The following RYR3 variants were observed in gnomAD, a reference collection of about 807,000 sequenced individuals.
RYR3 encodes the protein ryanodine receptor 3.
A neutral mutation model predicts 584.3 loss-of-function variants in RYR3; 207 were observed. That is an observed-to-expected ratio of 0.35 (90% CI 0.32 to 0.40). RYR3 has a LOEUF of 0.40. Among genes scored for constraint, RYR3 ranks in the 10% least tolerant of loss-of-function variants. The pLI, the probability that RYR3 is intolerant of heterozygous loss-of-function variation, is 1.00. For synonymous variants in RYR3, 2,416 were observed against 2,248.5 expected (o/e 1.07, Z -2.11); for missense variants, 5,616 against 6,089.2 (o/e 0.92, Z 2.59).
rs1213408100 is a variant in RYR3, at chr15:33,473,410, T to C, written c.52-9T>C. 1.2e-6 allele frequency: 2 copies of C among 1,601,810 alleles called. No homozygotes were observed. Among genetic ancestry groups the C allele is most frequent in the African/African-American group, 1.5e-5 (1 of 65,090 alleles). ...CTTACTCATGTTTGGGTCTCTCTTC[T>C]CCTGGCAGGAGGATGAAGTGGTACT... On this transcript the variant is annotated splice_polypyrimidine_tract_variant and intron_variant, in intron 1 of 103. Transcript: ENST00000634891.
chr15:33,618,176 A>C (rs1025265985), intron 19 of RYR3, among the ~76,000 whole-genome samples: 1 of 152,180 alleles, frequency 6.6e-6, no homozygotes, highest in African/African-American at 2.4e-5. Context: ...TTTTGCAGAA[A>C]ATTCATGAGT....
At chr15:33,738,295 G>T (rs116836930) in intron 49 of RYR3, among the ~76,000 whole-genome samples, 155 bp from the exon 50 acceptor site, 2 of 152,092 alleles carry the variant, frequency 1.3e-5, no homozygotes, top group African/African-American at 4.8e-5. Context: ...TGTTCCCAGC[G>T]GTGTTTGAAG....
chr15:33,845,152 G>T, intron 93 of RYR3, 90 bp downstream of exon 93: 3 of 1,394,240 alleles, frequency 2.2e-6, no homozygotes. Flanking sequence ...CTAAGACTTT[G>T]CTAGCCGTAA....
chr15:33,794,129 T>TATATAAATATAATATACATAAATA (rs1194519159), intron 67 of RYR3, among the ~76,000 whole-genome samples: 1 of 49,014 alleles, frequency 2.0e-5, no homozygotes, highest in Non-Finnish European at 3.8e-5. Context: ...AAATATATAT[T>TATATAAATATAATATACATAAATA]TATATATAAT....
intron 94 of RYR3, chr15:33,850,420 A>G (rs2152994275): frequency 6.6e-6 from 1 of 152,306 alleles, no homozygotes; most frequent in African/African-American, 2.4e-5. Flanking sequence ...CTAGCAATGT[A>G]TCCTAAGGAG....
Position 33,838,402 on chromosome 15 carries a change from C to T in RYR3, c.12422C>T (p.Ala4141Val), listed in dbSNP as rs1405864143. ...EEDGSLEPAS[A>V]FAMACASVKR... ...GACGGGTCTCTTGAGCCGGCCTCTGCATTTGCTATGGCCTGTGCCTCTGTG... is the reference window on the plus strand; with the variant it reads ...GACGGGTCTCTTGAGCCGGCCTCTGTATTTGCTATGGCCTGTGCCTCTGTG... Residue 4141 changes from alanine to valine, a missense_variant, in exon 89 of 104, where the codon GCA becomes GTA. This residue lies in a region of RYR3 where 258 missense variants were observed against 297.3 expected (regional missense o/e 0.87). Transcript: ENST00000634891. 8 of 1,613,892 alleles carry T rather than the reference C, an allele frequency of 5.0e-6. No individual in the cohort carries two copies. The Admixed American group carries it at 1.0e-4, about 20-fold the overall frequency.
chr15:33,389,836 T>C (rs1411871601), intron 1 of RYR3, among the ~76,000 whole-genome samples: 1 of 152,226 alleles, frequency 6.6e-6, no homozygotes, highest in Non-Finnish European at 1.5e-5. Context: ...GTTTAGTATT[T>C]ATGGGTTATT....
At position 33,543,639 on chromosome 15, in the gene RYR3, C is replaced by CAT; in HGVS notation, c.665_666dup (p.Val223MetfsTer2). ...TCTTACAGGATACCTACTTGGTGGG[C>CAT]ATGTAGTACGTCTTTTCCATGGTCA... is the stretch of plus-strand genomic sequence containing the variant. On this transcript the variant is annotated frameshift_variant, in exon 8 of 104. Coordinates refer to ENST00000634891, the MANE Select transcript of RYR3 (RefSeq NM_001036.6). LOFTEE classifies it high-confidence loss of function. The CAT allele has an allele frequency of 1.2e-6, 2 of 1,608,486 alleles. No individual in the cohort carries two copies. The highest frequency in any genetic ancestry group is 1.7e-6 in the Non-Finnish European group (2 of 1,175,026).
intron 38 of RYR3, 119 bp downstream of exon 38, chr15:33,670,675 G>T (rs2063790345): frequency 9.7e-7 from 1 of 1,028,536 alleles, no homozygotes; most frequent in Non-Finnish European, 1.4e-6. Context: ...AAGCATCTGG[G>T]CAGTATGTTA....
intron 1 of RYR3, among the ~76,000 whole-genome samples, chr15:33,424,655 G>C (rs972052301): frequency 2.0e-5 from 3 of 152,092 alleles, no homozygotes; most frequent in Admixed American, 6.5e-5. Flanking sequence ...TCCTCTCTCT[G>C]AAGCCCCACC....
At chr15:33,623,760 A>AT in intron 19 of RYR3, 47 bp from the exon 20 acceptor site, 11 of 1,328,938 alleles carry the variant, frequency 8.3e-6, no homozygotes, top group Non-Finnish European at 1.2e-5. Context: ...TTTGGGCTGC[A>AT]TTGTTTTTTT....
At chr15:33,554,498 A>G (rs573554229) in intron 10 of RYR3, among the ~76,000 whole-genome samples, 4 of 151,946 alleles carry the variant, frequency 2.6e-5, no homozygotes, top group South Asian at 4.2e-4. Flanking sequence ...GGGTTTCACT[A>G]TGTTAGCCAG....
At chr15:33,694,867 G>T (rs1262510740) in intron 38 of RYR3, among the ~76,000 whole-genome samples, 1 of 152,192 alleles carries the variant, frequency 6.6e-6, no homozygotes, top group Non-Finnish European at 1.5e-5. Flanking sequence ...CACCGACAGG[G>T]TTGATAGACA....
chr15:33,685,623 A>G (rs2064951833), intron 38 of RYR3, among the ~76,000 whole-genome samples: 1 of 152,256 alleles, frequency 6.6e-6, no homozygotes, highest in South Asian at 2.1e-4. Context: ...CTCTACCCCA[A>G]ATCAACAGAA....
intron 2 of RYR3, among the ~76,000 whole-genome samples, chr15:33,482,806 T>A (rs2050090525): frequency 6.6e-6 from 1 of 152,166 alleles, no homozygotes; most frequent in Non-Finnish European, 1.5e-5. Context: ...GCTTTATGGA[T>A]CTTTTGGTTG....
chr15:33,317,918 A>G (rs1262291116), intron 1 of RYR3, among the ~76,000 whole-genome samples: 1 of 151,910 alleles, frequency 6.6e-6, no homozygotes, highest in Non-Finnish European at 1.5e-5. Context: ...TATACAGTGA[A>G]CTCCTCATTG....
At chr15:33,661,562 G>T (rs919914056) in intron 34 of RYR3, among the ~76,000 whole-genome samples, 1 of 151,970 alleles carries the variant, frequency 6.6e-6, no homozygotes, top group African/African-American at 2.4e-5. Context: ...GCTGGGGGAG[G>T]GGGTAGAGGG....
chr15:33,438,180 T>A (rs1338072646), intron 1 of RYR3, among the ~76,000 whole-genome samples: 3 of 152,184 alleles, frequency 2.0e-5, no homozygotes, highest in Non-Finnish European at 4.4e-5. Flanking sequence ...TTAAAATCTC[T>A]TGGCAATTTT....
chr15:33,583,684 C>G (rs2152519887), intron 14 of RYR3, among the ~76,000 whole-genome samples: 1 of 152,268 alleles, frequency 6.6e-6, no homozygotes, highest in South Asian at 2.1e-4. Context: ...GTTTGGGAGG[C>G]TGAGGTGAGG....
Sources: allele counts gnomAD v4.1 joint callset (sites outside exome capture counted in the v4.1 genomes callset), GRCh38; gene constraint gnomAD v4.1.1; regional missense constraint gnomAD v4.1.1; transcripts MANE v1.5; gene names NCBI Gene and HGNC (gene_info 2026-07-23, HGNC 2026-07-21).